Variants in ALG14 observed in about 807,000 individuals in gnomAD.
The protein encoded by ALG14 is ALG14 UDP-N-acetylglucosaminyltransferase subunit, also known as UDP-N-acetylglucosamine transferase subunit ALG14.
ALG14 carries 17 observed loss-of-function variants against 22.8 expected under a neutral mutation model. The ratio of observed to expected loss-of-function variants is 0.75; its 90% confidence interval spans 0.51 to 1.12. The LOEUF (loss-of-function observed/expected upper bound fraction) is 1.12. ALG14 is among the 50% of genes most tolerant of loss of function. The pLI is 0.00. For missense variants in ALG14, 288 were observed against 271.8 expected, an observed-to-expected ratio of 1.06 and a Z score of -0.42; for synonymous variants, 89 against 103.7, an observed-to-expected ratio of 0.86 and a Z score of 0.86.
chr1:95,043,374 G>T (rs1234716448), intron 2 of ALG14, among the ~76,000 whole-genome samples: 1 of 152,142 alleles, frequency 6.6e-6, no homozygotes, highest in African/African-American at 2.4e-5. Flanking sequence ...GCATCTGGTG[G>T]ATAAAGGCCA....
At chr1:94,999,007 G>C (rs1340805622) in intron 3 of ALG14, among the ~76,000 whole-genome samples, 2 of 152,052 alleles carry the variant, frequency 1.3e-5, no homozygotes, top group Admixed American at 1.3e-4. Flanking sequence ...AGAGGTGCTG[G>C]CAAGTTTAAT....
chr1:95,050,687 G>A (rs74103606), intron 2 of ALG14, among the ~76,000 whole-genome samples: 7,018 of 152,148 alleles, frequency 0.046, 215 homozygotes, highest in South Asian at 0.083. Flanking sequence ...GACACCTAAG[G>A]GCTGGGATTT....
chr1:95,000,556 A>G (rs1181442656), intron 3 of ALG14, among the ~76,000 whole-genome samples: 2 of 150,962 alleles, frequency 1.3e-5, no homozygotes, highest in South Asian at 2.1e-4. Flanking sequence ...AAAAAAAAAA[A>G]AAAGAAATAT....
chr1:94,977,293 A>G lies in ALG14; in HGVS notation c.*5783T>C, dbSNP rs1173085285. On this transcript the variant is annotated 3_prime_UTR_variant, in exon 4 of 4. Coordinates refer to ENST00000370205, the MANE Select transcript of ALG14 (RefSeq NM_144988.4). ...CCAGGAGTTTGAGACCAGTCTGGAC[A>G]ACATAGTGAAACCCTGCCTCTTATT... The G allele has an allele frequency of 6.6e-6, 1 of 152,212 alleles. No homozygotes were observed. Among genetic ancestry groups the G allele is most frequent in the Non-Finnish European group, 1.5e-5 (1 of 68,040 alleles). The allele number at this position is 152,212 out of a possible 1,614,324, so 9.4% of individuals were successfully genotyped here. A position where few individuals can be genotyped will look rare whatever the true frequency, so the allele number is the denominator to read the frequency against.
chr1:95,054,356 C>T (rs1325073228), intron 2 of ALG14, among the ~76,000 whole-genome samples: 2 of 152,112 alleles, frequency 1.3e-5, no homozygotes, highest in African/African-American at 4.8e-5. Flanking sequence ...CACTTCCCTC[C>T]ACCCCTTCCT....
At chr1:94,998,228 G>A (rs1557944690) in intron 3 of ALG14, among the ~76,000 whole-genome samples, 2 of 152,194 alleles carry the variant, frequency 1.3e-5, no homozygotes, top group African/African-American at 4.8e-5. Flanking sequence ...GTCTGACGGA[G>A]CGTTTCCAGG....
At chr1:95,003,397 C>CT (rs1673118622) in intron 3 of ALG14, among the ~76,000 whole-genome samples, 1 of 151,236 alleles carries the variant, frequency 6.6e-6, no homozygotes, top group African/African-American at 2.4e-5. Context: ...TGGTTGTGGA[C>CT]TTTAAAAGTT....
At position 94,982,837 on chromosome 1, in the gene ALG14, A is replaced by G; in HGVS notation, c.*239T>C. The G allele has an allele frequency of 2.3e-6, 1 of 426,344 alleles. No homozygotes were observed. Among genetic ancestry groups the G allele is most frequent in the South Asian group, 3.5e-5 (1 of 28,594 alleles). The allele number at this position is 426,344 out of a possible 1,614,324, so 26.4% of individuals were successfully genotyped here. On this transcript the variant is annotated 3_prime_UTR_variant, in exon 4 of 4. Coordinates refer to ENST00000370205, the MANE Select transcript of ALG14 (RefSeq NM_144988.4). ...CAGGTAGTAATACATATTTTTATCTAGAAAAGAAATTTGGTTTACAGAGGC... is the reference window on the plus strand; with the variant it reads ...CAGGTAGTAATACATATTTTTATCTGGAAAAGAAATTTGGTTTACAGAGGC...
chr1:95,003,008 G>A (rs1347600492), intron 3 of ALG14, among the ~76,000 whole-genome samples: 2 of 152,200 alleles, frequency 1.3e-5, no homozygotes, highest in Admixed American at 1.3e-4. Context: ...AAGCAACAAT[G>A]TTGAGAGTGA....
At chr1:95,038,709 C>T (rs1571637753) in intron 2 of ALG14, among the ~76,000 whole-genome samples, 1 of 144,388 alleles carries the variant, frequency 6.9e-6, no homozygotes, top group Non-Finnish European at 1.5e-5. Flanking sequence ...AAGTGATAAA[C>T]TATAAGGTTT....
intron 2 of ALG14, among the ~76,000 whole-genome samples, chr1:95,050,248 G>A (rs1674700552): frequency 6.6e-6 from 1 of 152,108 alleles, no homozygotes; most frequent in African/African-American, 2.4e-5. Flanking sequence ...TAAGAAGTCC[G>A]AAAAAAATTA....
At chr1:95,021,461 C>T (rs1557957362) in intron 3 of ALG14, among the ~76,000 whole-genome samples, 1 of 152,210 alleles carries the variant, frequency 6.6e-6, no homozygotes, top group Non-Finnish European at 1.5e-5. Flanking sequence ...CCTTCTGAGG[C>T]TCTCCATTAC....
intron 3 of ALG14, among the ~76,000 whole-genome samples, chr1:95,018,491 A>AT (rs1673568333): frequency 2.0e-5 from 3 of 152,094 alleles, no homozygotes; most frequent in African/African-American, 7.2e-5. Context: ...AGCCGAGCTC[A>AT]TGTCAATGCA....
At chr1:95,011,464 C>T (rs1178439416) in intron 3 of ALG14, among the ~76,000 whole-genome samples, 2 of 151,206 alleles carry the variant, frequency 1.3e-5, no homozygotes, top group African/African-American at 2.4e-5. Context: ...CTCACTCTGT[C>T]GCCCAGGCTG....
intron 1 of ALG14, among the ~76,000 whole-genome samples, chr1:95,072,128 A>G (rs1485274546): frequency 3.3e-5 from 5 of 152,244 alleles, no homozygotes; most frequent in Non-Finnish European, 5.9e-5. Context: ...TACATGTTCT[A>G]TCTGGATGCA....
intron 2 of ALG14, among the ~76,000 whole-genome samples, chr1:95,039,840 A>C (rs1365569661): frequency 6.6e-6 from 1 of 152,074 alleles, no homozygotes; most frequent in Admixed American, 6.6e-5. Context: ...CTGGAGCAGA[A>C]GCCTCGCTTG....
In ALG14 at chr1:94,982,109, CATT is replaced by C. The variant is rs1334923675; in HGVS notation, c.*964_*966del. ...ATGGGAATAATAACAGTCCCTACAT[CATT>C]GAGTTTTGTTTTTTTTTTTTTTTTT... On this transcript the variant is annotated 3_prime_UTR_variant, in exon 4 of 4. Coordinates refer to ENST00000370205, the MANE Select transcript of ALG14 (RefSeq NM_144988.4). 1.4e-5 allele frequency: 2 copies of C among 147,904 alleles called. No individual in the cohort carries two copies. The highest frequency in any genetic ancestry group is 3.0e-5 in the Non-Finnish European group (2 of 67,378). 9.2% of individuals were successfully genotyped at this position (147,904 alleles called of 1,614,324 possible).
intron 3 of ALG14, among the ~76,000 whole-genome samples, chr1:95,003,161 A>G (rs778009369): frequency 2.2e-4 from 34 of 152,248 alleles, no homozygotes; most frequent in Non-Finnish European, 4.0e-4. Context: ...CACTTAAAGC[A>G]AGGAAACAAG....
In ALG14 at chr1:95,069,221, G is replaced by A. The variant is rs543138422; in HGVS notation, c.136+3542C>T. Among the ~76,000 whole-genome samples the A allele has an allele frequency of 2.4e-4, 36 of 152,312 alleles. No individual in the cohort carries two copies. The South Asian group carries it at 6.0e-3, about 25-fold the overall frequency. ...AAGTCATGTGCGGTGGCACGTGCCTGTGGTACCAGCTACTCGGGAGGCTGT... is the reference window on the plus strand; with the variant it reads ...AAGTCATGTGCGGTGGCACGTGCCTATGGTACCAGCTACTCGGGAGGCTGT... On this transcript the variant is annotated intron_variant, in intron 1 of 3. Coordinates refer to ENST00000370205, the MANE Select transcript of ALG14 (RefSeq NM_144988.4).
Sources: allele counts gnomAD v4.1 joint callset (sites outside exome capture counted in the v4.1 genomes callset), GRCh38; gene constraint gnomAD v4.1.1; transcripts MANE v1.5; gene names NCBI Gene and HGNC (gene_info 2026-07-23, HGNC 2026-07-21).